The following CAPN3 variants were observed in gnomAD, a reference collection of about 807,000 sequenced individuals.
CAPN3 encodes the protein calpain-3.
In CAPN3, 88 loss-of-function variants were observed where a neutral mutation model predicts 114.0. The ratio of observed to expected loss-of-function variants is 0.77; its 90% CI spans 0.65 to 0.92. The LOEUF (loss-of-function observed/expected upper bound fraction) is 0.92. Among genes scored for constraint, CAPN3 ranks in the 40% least tolerant of loss-of-function variants. The pLI is 0.00. For synonymous variants in CAPN3, 386 were observed against 382.9 expected (o/e 1.01, Z -0.09); for missense variants, 1,028 against 1,069.0 (o/e 0.96, Z 0.53).
chr15:42,406,974 T>C (rs2054042074), intron 15 of CAPN3, among the ~76,000 whole-genome samples: 2 of 152,158 alleles, frequency 1.3e-5, no homozygotes, highest in Non-Finnish European at 2.9e-5. Flanking sequence ...ATGAGCAGCA[T>C]GGAAGGGCAG....
intron 9 of CAPN3, among the ~76,000 whole-genome samples, chr15:42,397,642 T>C (rs1489948893): frequency 6.9e-6 from 1 of 145,364 alleles, no homozygotes; most frequent in Non-Finnish European, 1.5e-5. Flanking sequence ...GACTCTGTCT[T>C]GGAAAAAAAA....
intron 4 of CAPN3, 92 bp from the exon 5 acceptor site, chr15:42,388,836 C>T (rs908444523): frequency 5.1e-6 from 5 of 988,436 alleles, no homozygotes; most frequent in Non-Finnish European, 6.5e-6. Context: ...AACATCACAG[C>T]ATCCAAGAGG....
At chr15:42,376,685 A>C (rs1332841325) in intron 1 of CAPN3, among the ~76,000 whole-genome samples, 2 of 152,110 alleles carry the variant, frequency 1.3e-5, no homozygotes, top group African/African-American at 4.8e-5. Context: ...GGTATTAGAT[A>C]TCAAGATCTG....
chr15:42,392,611 A>T, intron 6 of CAPN3, 28 bp from the exon 7 acceptor site: 1 of 1,579,646 alleles, frequency 6.3e-7, no homozygotes, highest in Non-Finnish European at 8.7e-7. Context: ...CCCCGCCCCT[A>T]ATGGGTTCTC....
chr15:42,410,746 C>G, intron 21 of CAPN3, 80 bp downstream of exon 21: 2 of 1,365,694 alleles, frequency 1.5e-6, no homozygotes, highest in Non-Finnish European at 2.1e-6. Flanking sequence ...GCTACTAGGG[C>G]CCCACTAGAG....
intron 15 of CAPN3, 83 bp from the exon 16 acceptor site, chr15:42,408,128 T>C: frequency 1.1e-6 from 1 of 878,684 alleles, no homozygotes; most frequent in South Asian, 1.4e-5. Flanking sequence ...TGGATAAAGC[T>C]GCTCCAAGAG....
chr15:42,359,731 G>C lies in CAPN3; in HGVS notation c.-75G>C. 2 of 1,605,880 alleles carry C rather than the reference G, an allele frequency of 1.2e-6. No individual in the cohort carries two copies. The highest frequency in any genetic ancestry group is 1.7e-6 in the Non-Finnish European group (2 of 1,177,908). On this transcript the variant is annotated 5_prime_UTR_variant, in exon 1 of 24. Coordinates refer to ENST00000397163, the MANE Select transcript of CAPN3 (RefSeq NM_000070.3). ...ACAGAATTACTCCAACTTCCCCTTT[G>C]CAGTTGCTTCCTTTCCTTGAAGGTA...
chr15:42,373,673 C>T (rs2053013875), intron 1 of CAPN3, among the ~76,000 whole-genome samples: 1 of 152,210 alleles, frequency 6.6e-6, no homozygotes, highest in South Asian at 2.1e-4. Context: ...GCCACTGGGA[C>T]CTACTCTAAC....
At position 42,376,744 on chromosome 15, in the gene CAPN3, C is replaced by G. The variant is rs2053098711; in HGVS notation, c.310-7739C>G. 4.6e-5 allele frequency among the ~76,000 whole-genome samples: 7 copies of G among 152,256 alleles called. No homozygotes were observed. The South Asian group carries it at 1.5e-3, about 32-fold the overall frequency. ...CCGGAGTGTGATTGCTTCTGTTCCT[C>G]TCAGCTTGTAGAGAAAGGAGATATG... On this transcript the variant is annotated intron_variant, in intron 1 of 23. Transcript: ENST00000397163.
chr15:42,409,949 A>G lies in CAPN3; in HGVS notation c.2069A>G (p.His690Arg). Residue 690 changes from histidine (H) to arginine (R), a missense_variant, in exon 19 of 24, where the codon CAC (histidine) becomes CGC (arginine). Transcript: ENST00000397163. ...VVNKHKDLKT[H>R]GFTLESCRSM... ...CCCCCAGACAAGGACCTGAAGACAC[A>G]CGGGTTCACACTGGAGTCCTGCCGT... is the stretch of plus-strand genomic sequence containing the variant. The G allele has an allele frequency of 6.2e-7, 1 of 1,612,330 alleles. No homozygotes were observed. The highest frequency in any genetic ancestry group is 1.7e-5 in the Admixed American group (1 of 60,002).
intron 8 of CAPN3, among the ~76,000 whole-genome samples, chr15:42,395,858 A>G (rs1434445297): frequency 6.6e-6 from 1 of 152,192 alleles, no homozygotes; most frequent in African/African-American, 2.4e-5. Flanking sequence ...TCCAGGGAGC[A>G]CCCAGTTTAG....
At chr15:42,369,547 A>G (rs953513438) in intron 1 of CAPN3, among the ~76,000 whole-genome samples, 7 of 152,144 alleles carry the variant, frequency 4.6e-5, no homozygotes, top group African/African-American at 1.7e-4. Context: ...GTATTGCAGC[A>G]TGTTTTAATC....
At chr15:42,379,486 A>T (rs1164715352) in intron 1 of CAPN3, among the ~76,000 whole-genome samples, 1 of 152,092 alleles carries the variant, frequency 6.6e-6, no homozygotes, top group Non-Finnish European at 1.5e-5. Context: ...CAATATCCTT[A>T]TTGCTTTTCT....
chr15:42,367,064 C>T (rs2052804880), intron 1 of CAPN3, among the ~76,000 whole-genome samples: 1 of 152,064 alleles, frequency 6.6e-6, no homozygotes, highest in African/African-American at 2.4e-5. Flanking sequence ...AAACTCCTGA[C>T]CCCAGTGATC....
At chr15:42,404,707 G>T in intron 14 of CAPN3, 3 of 1,174,120 alleles carry the variant, frequency 2.6e-6, no homozygotes, top group Non-Finnish European at 3.2e-6. Context: ...TTTGTGCTCT[G>T]TGGGGATGAC....
chr15:42,371,309 G>T (rs762110616), intron 1 of CAPN3, among the ~76,000 whole-genome samples: 7 of 152,074 alleles, frequency 4.6e-5, no homozygotes, highest in Non-Finnish European at 7.4e-5. Context: ...TCCTCCTGGG[G>T]GTCATGATGG....
intron 1 of CAPN3, among the ~76,000 whole-genome samples, chr15:42,376,853 A>G (rs2053101977): frequency 6.6e-6 from 1 of 152,228 alleles, no homozygotes; most frequent in Non-Finnish European, 1.5e-5. Flanking sequence ...ATTTCTATAT[A>G]AAGCCATTTG....
intron 12 of CAPN3, chr15:42,402,358 CTG>C (rs2053896505): frequency 5.4e-6 from 8 of 1,470,254 alleles, no homozygotes; most frequent in Non-Finnish European, 7.2e-6. Context: ...GCACCAGACA[CTG>C]CACGTCACAC....
chr15:42,387,050 C>G (rs999195507), intron 3 of CAPN3, among the ~76,000 whole-genome samples: 2 of 152,160 alleles, frequency 1.3e-5, no homozygotes, highest in Non-Finnish European at 2.9e-5. Flanking sequence ...TCAGACTCCC[C>G]CTCCTGCCGC....
Sources: allele counts gnomAD v4.1 joint callset (sites outside exome capture counted in the v4.1 genomes callset), GRCh38; gene constraint gnomAD v4.1.1; transcripts MANE v1.5; gene names NCBI Gene and HGNC (gene_info 2026-07-23, HGNC 2026-07-21).